EMC8: variants seen among roughly 807,000 people sequenced by gnomAD.
EMC8 encodes the protein COX4 neighbor.
A neutral mutation model predicts 24.3 loss-of-function variants in EMC8; 11 were observed. The ratio of observed to expected loss-of-function variants is 0.45; its 90% CI spans 0.28 to 0.75. The LOEUF is 0.75. Among genes scored for constraint, EMC8 ranks in the 30% least tolerant of loss-of-function variants. The pLI is 0.12. For missense variants in EMC8, 277 were observed against 282.7 expected (o/e 0.98, Z 0.14); for synonymous variants, 145 against 117.7 (o/e 1.23, Z -1.50).
At chr16:85,795,461 G>A (rs1905209346) in intron 1 of EMC8, among the ~76,000 whole-genome samples, 1 of 152,168 alleles carries the variant, frequency 6.6e-6, no homozygotes, top group Non-Finnish European at 1.5e-5. Context: ...CCAGGTGCGT[G>A]AGCCTCAGGG....
Position 85,788,735 on chromosome 16 carries a change from T to C in EMC8, c.308+239A>G, listed in dbSNP as rs573879527. On this transcript the variant is annotated intron_variant, in intron 2 of 4. Transcript: ENST00000253457. ...CCAACTGTCGCTTTCATTGTATGAA[T>C]TCCCTTCATGCAAAATAAAGAAGAC... Among the ~76,000 whole-genome samples, 5 of 152,336 alleles carry C rather than the reference T, an allele frequency of 3.3e-5. No homozygotes were observed. In the South Asian group the frequency reaches 1.0e-3, roughly 32 times the overall value.
intron 2 of EMC8, among the ~76,000 whole-genome samples, chr16:85,783,825 G>C (rs1904625010): frequency 6.6e-6 from 1 of 152,006 alleles, no homozygotes; most frequent in African/African-American, 2.4e-5. Context: ...TCACCACAAA[G>C]CCCTGCTAAA....
chr16:85,791,747 A>G (rs1905021413), intron 1 of EMC8, among the ~76,000 whole-genome samples: 1 of 152,200 alleles, frequency 6.6e-6, no homozygotes, highest in South Asian at 2.1e-4. Flanking sequence ...GCTCATGGCC[A>G]CATCACTCTG....
intron 2 of EMC8, among the ~76,000 whole-genome samples, chr16:85,786,671 T>C (rs1904768598): frequency 6.6e-6 from 1 of 152,124 alleles, no homozygotes; most frequent in Non-Finnish European, 1.5e-5. Context: ...AAAGTCAGTA[T>C]TAATGAAGGA....
At chr16:85,780,281 GA>G in intron 4 of EMC8, 97 bp downstream of exon 4, 1 of 869,280 alleles carries the variant, frequency 1.2e-6, no homozygotes, top group Non-Finnish European at 1.9e-6. Context: ...TGCTTCTGGA[GA>G]AAACGCTAAC....
At chr16:85,785,124 T>G (rs889622182) in intron 2 of EMC8, 1 of 152,352 alleles carries the variant, frequency 6.6e-6, no homozygotes, top group Non-Finnish European at 1.5e-5. Context: ...TTTTTGTATT[T>G]TTTTGTAGAG....
At chr16:85,798,165 A>C (rs1292494906) in intron 1 of EMC8, among the ~76,000 whole-genome samples, 1 of 114,276 alleles carries the variant, frequency 8.8e-6, no homozygotes, top group African/African-American at 3.5e-5. Flanking sequence ...TCTGTCACCC[A>C]GGCTGGAGTG....
intron 1 of EMC8, among the ~76,000 whole-genome samples, chr16:85,794,417 G>A (rs537736418): frequency 1.3e-4 from 20 of 152,148 alleles, no homozygotes; most frequent in South Asian, 2.1e-4. Flanking sequence ...GGCTGAGTGC[G>A]GTGACTCACG....
intron 4 of EMC8, 128 bp downstream of exon 4, chr16:85,780,251 G>A (rs759071121): frequency 4.1e-5 from 29 of 703,328 alleles, no homozygotes; most frequent in Middle Eastern, 3.5e-4. Context: ...TACAGGAGCC[G>A]GGGAATATGC....
intron 1 of EMC8, among the ~76,000 whole-genome samples, chr16:85,795,401 C>G (rs550117186): frequency 1.3e-4 from 20 of 152,332 alleles, no homozygotes; most frequent in Non-Finnish European, 2.6e-4. Flanking sequence ...CACTGGTTTT[C>G]CTCCCCGTTC....
At chr16:85,797,395 C>A (rs112787548) in intron 1 of EMC8, among the ~76,000 whole-genome samples, 12 of 152,064 alleles carry the variant, frequency 7.9e-5, no homozygotes, top group Middle Eastern at 3.4e-3. Flanking sequence ...GTGACAAGAG[C>A]GAAACTCCAT....
In EMC8 at chr16:85,790,507, A is replaced by G. The variant is rs536632569; in HGVS notation, c.232-1457T>C. ...CCAAAACGACTCATATTTTGTTTCT[A>G]TCACCTCTTAATGGAACAGATTCCA... On this transcript the variant is annotated intron_variant, in intron 1 of 4. Transcript: ENST00000253457. Among the ~76,000 whole-genome samples the G allele has an allele frequency of 8.5e-5, 13 of 152,334 alleles. No homozygotes were observed. In the East Asian group the frequency reaches 1.5e-3, roughly 18 times the overall value.
intron 1 of EMC8, among the ~76,000 whole-genome samples, chr16:85,794,809 TG>T (rs1905179910): frequency 1.3e-5 from 2 of 152,024 alleles, no homozygotes; most frequent in South Asian, 4.2e-4. Flanking sequence ...ACTCATGTGG[TG>T]GGGGGAGGTG....
rs576731143 is a variant in EMC8 at position 85,786,359 on chromosome 16, G to A, written c.308+2615C>T. 2.6e-5 allele frequency among the ~76,000 whole-genome samples: 4 copies of A among 152,318 alleles called. No homozygotes were observed. The South Asian group carries it at 8.3e-4, about 32-fold the overall frequency. ...AGAGGGGAAGGTTTTCCAGGCAGAA[G>A]CAAAACCATACTTAAGTCAGAAGTT... is the stretch of plus-strand genomic sequence containing the variant. On this transcript the variant is annotated intron_variant, in intron 2 of 4. Coordinates refer to ENST00000253457, the MANE Select transcript of EMC8 (RefSeq NM_006067.5).
At chr16:85,782,246 G>A (rs552551551) in intron 2 of EMC8, among the ~76,000 whole-genome samples, 2 of 152,310 alleles carry the variant, frequency 1.3e-5, no homozygotes, top group Admixed American at 6.5e-5. Flanking sequence ...CTGGCAGTCC[G>A]TCACCCTCTG....
At chr16:85,780,854 TG>T in intron 3 of EMC8, 1 of 438,308 alleles carries the variant, frequency 2.3e-6, no homozygotes, top group South Asian at 2.5e-5. Context: ...ACACTTGGCA[TG>T]TTCAGACCAG....
intron 1 of EMC8, among the ~76,000 whole-genome samples, chr16:85,790,629 G>C (rs1156879343): frequency 6.6e-6 from 1 of 152,132 alleles, no homozygotes; most frequent in East Asian, 1.9e-4. Context: ...TGATCCTTGA[G>C]CACCGTGCTC....
At chr16:85,791,518 T>A (rs1905012252) in intron 1 of EMC8, among the ~76,000 whole-genome samples, 1 of 152,188 alleles carries the variant, frequency 6.6e-6, no homozygotes, top group African/African-American at 2.4e-5. Flanking sequence ...CCTCCCTGTG[T>A]CCATGTGTTC....
At chr16:85,793,794 G>A (rs16939756) in intron 1 of EMC8, among the ~76,000 whole-genome samples, 8,495 of 152,224 alleles carry the variant, frequency 0.056, 405 homozygotes, top group East Asian at 0.27. Flanking sequence ...TTAGAGAAGC[G>A]GGTTCAAGCT....
Sources: gnomAD v4.1 joint callset for allele counts (sites outside exome capture counted in the v4.1 genomes callset) on GRCh38, gnomAD v4.1.1 for gene constraint, MANE v1.5 for transcripts, NCBI Gene and HGNC (gene_info 2026-07-23, HGNC 2026-07-21) for gene names.